MSH4: variants seen among roughly 807,000 people sequenced by gnomAD.
MSH4 encodes the protein mutS protein homolog 4.
In MSH4, 106 loss-of-function variants were observed where a neutral mutation model predicts 113.7. The observed-to-expected ratio is 0.93, with a 90% CI of 0.80 to 1.10. The LOEUF is 1.10. MSH4 is among the 50% of genes least tolerant of loss of function. MSH4 has a pLI of 0.00. For missense variants in MSH4, 1,061 were observed against 1,093.7 expected, an observed-to-expected ratio of 0.97 and a Z score of 0.42; for synonymous variants, 368 against 380.2, an observed-to-expected ratio of 0.97 and a Z score of 0.37.
chr1:75,816,907 G>A lies in MSH4; in HGVS notation c.989+361G>A, dbSNP rs536122538. 3.3e-5 allele frequency among the ~76,000 whole-genome samples: 5 copies of A among 152,150 alleles called. No individual in the cohort carries two copies. In the East Asian group the frequency reaches 5.8e-4, roughly 18 times the overall value. On this transcript the variant is annotated intron_variant, in intron 6 of 19. Coordinates refer to ENST00000263187, the MANE Select transcript of MSH4 (RefSeq NM_002440.4). The stretch of plus-strand genomic sequence containing the variant: ...CTCCCAAAGTGCTGGGATTACAGCC[G>A]TGAGCTACTGCTCTCAGCCTAAACT...
chr1:75,858,565 G>A (rs1399622217), intron 8 of MSH4, among the ~76,000 whole-genome samples: 1 of 152,148 alleles, frequency 6.6e-6, no homozygotes, highest in African/African-American at 2.4e-5. Flanking sequence ...GATGGATTAT[G>A]TTTATTGATT....
chr1:75,875,309 G>A (rs1189308322), intron 9 of MSH4, among the ~76,000 whole-genome samples: 5 of 152,158 alleles, frequency 3.3e-5, no homozygotes, highest in Non-Finnish European at 5.9e-5. Flanking sequence ...CGATGAAGAT[G>A]ATGTTGTAAC....
At chr1:75,911,356 T>C (rs1055513634) in intron 19 of MSH4, among the ~76,000 whole-genome samples, 2 of 152,184 alleles carry the variant, frequency 1.3e-5, no homozygotes, top group Non-Finnish European at 2.9e-5. Flanking sequence ...TACCATGCTT[T>C]CAAATGTACC....
intron 19 of MSH4, 76 bp downstream of exon 19, chr1:75,899,782 A>T (rs1652469509): frequency 4.2e-6 from 2 of 479,034 alleles, no homozygotes; most frequent in Middle Eastern, 1.3e-3. Flanking sequence ...ATGACCTTTG[A>T]TCTAAATATA....
In MSH4 at chr1:75,842,036, G is replaced by A. The variant is rs750504047; in HGVS notation, c.1163-6173G>A. On this transcript the variant is annotated intron_variant, in intron 7 of 19. Coordinates refer to ENST00000263187, the MANE Select transcript of MSH4 (RefSeq NM_002440.4). Reference sequence around the variant, plus strand: ...ATGTGCCCAAGATAGTCGGAGTACAGCTTGGTTTTGTATATTTTAGGGAGG... The same window carrying A: ...ATGTGCCCAAGATAGTCGGAGTACAACTTGGTTTTGTATATTTTAGGGAGG... Among the ~76,000 whole-genome samples the A allele has an allele frequency of 3.3e-5, 5 of 152,242 alleles. 1 individual carries two copies. In the South Asian group the frequency reaches 1.0e-3, roughly 32 times the overall value.
chr1:75,902,709 A>AGTTCT (rs1652534598), intron 19 of MSH4, among the ~76,000 whole-genome samples: 1 of 35,344 alleles, frequency 2.8e-5, no homozygotes, highest in Non-Finnish European at 5.5e-5. Context: ...ATATATATAT[A>AGTTCT]TATATATATA....
chr1:75,885,055 G>GTATATATATATATATATATATATA (rs1469516814), intron 15 of MSH4, among the ~76,000 whole-genome samples: 4 of 102,252 alleles, frequency 3.9e-5, no homozygotes, highest in African/African-American at 1.6e-4. Context: ...GTGTGTGTGT[G>GTATATATATATATATATATATATA]TGTGTATATA....
chr1:75,870,952 G>C (rs1429777518), intron 9 of MSH4, among the ~76,000 whole-genome samples: 2 of 152,064 alleles, frequency 1.3e-5, no homozygotes, highest in African/African-American at 4.8e-5. Context: ...AAAAGGCAAA[G>C]GTAGGAAAAA....
intron 8 of MSH4, among the ~76,000 whole-genome samples, 146 bp from the exon 9 acceptor site, chr1:75,867,361 TAATTTTG>T (rs1335249872): frequency 0.021 from 3,265 of 152,238 alleles, 124 homozygotes; most frequent in African/African-American, 0.075. Context: ...GGTGGGTCAA[TAATTTTG>T]TATCATTCTT....
intron 8 of MSH4, among the ~76,000 whole-genome samples, chr1:75,849,462 A>C (rs1181347962): frequency 6.6e-6 from 1 of 152,222 alleles, no homozygotes; most frequent in East Asian, 1.9e-4. Flanking sequence ...TTACAATTTG[A>C]TGACATTTGT....
Position 75,822,569 on chromosome 1 carries a change from G to T in MSH4, c.1150G>T (p.Gly384Ter). The change falls in exon 7 of 20, where the codon GGA becomes TGA. Residue 384 changes from glycine (G) to a stop codon, truncating the protein, a stop_gained. Coordinates refer to ENST00000263187, the MANE Select transcript of MSH4 (RefSeq NM_002440.4). LOFTEE classifies it high-confidence loss of function. ...ELLQDEELFF[G>*]LQSVISRFLD... ...ACTTCAAGATGAGGAACTATTTTTT[G>T]GACTTCAATCAGGTAAATCAATATT... The T allele has an allele frequency of 6.6e-7, 1 of 1,505,438 alleles. No individual in the cohort carries two copies. Among genetic ancestry groups the T allele is most frequent in the Non-Finnish European group, 8.9e-7 (1 of 1,128,888 alleles). 93.3% of individuals were successfully genotyped at this position (1,505,438 alleles called of 1,614,324 possible).
At chr1:75,899,505 G>A in intron 18 of MSH4, 113 bp from the exon 19 acceptor site, 3 of 527,668 alleles carry the variant, frequency 5.7e-6, no homozygotes, top group East Asian at 3.3e-5. Context: ...GTTCAGAAGT[G>A]CCTCTAGAAG....
At chr1:75,859,609 C>T (rs1651406754) in intron 8 of MSH4, among the ~76,000 whole-genome samples, 1 of 152,170 alleles carries the variant, frequency 6.6e-6, no homozygotes, top group African/African-American at 2.4e-5. Context: ...TAATTTATTG[C>T]ACTGTGGTCT....
intron 12 of MSH4, 107 bp from the exon 13 acceptor site, chr1:75,879,943 A>C: frequency 3.2e-6 from 2 of 633,584 alleles, no homozygotes; most frequent in South Asian, 3.9e-5. Flanking sequence ...ACCATATCTC[A>C]AAGAGTAAAA....
intron 7 of MSH4, among the ~76,000 whole-genome samples, chr1:75,835,557 A>G (rs1045956133): frequency 6.6e-6 from 1 of 152,174 alleles, no homozygotes; most frequent in Non-Finnish European, 1.5e-5. Flanking sequence ...CCTTTGTTTA[A>G]GCCAGAAGTG....
intron 8 of MSH4, among the ~76,000 whole-genome samples, chr1:75,851,396 A>G (rs1651184100): frequency 6.6e-6 from 1 of 151,712 alleles, no homozygotes; most frequent in South Asian, 2.1e-4. Context: ...AGCTGAATTC[A>G]GTCCATTTTT....
rs776998737 is a variant in MSH4, at chr1:75,797,172, C to T, written c.187C>T (p.Arg63Trp). 32 of 1,610,644 alleles carry T rather than the reference C, an allele frequency of 2.0e-5. No individual in the cohort carries two copies. Among genetic ancestry groups the T allele is most frequent in the East Asian group, 6.7e-5 (3 of 44,764 alleles). Residue 63 changes from arginine to tryptophan, a missense_variant, in exon 1 of 20, where the codon CGG (arginine) becomes TGG (tryptophan). Arg to Trp is a moderately radical substitution (Grantham distance 101). Coordinates refer to ENST00000263187, the MANE Select transcript of MSH4 (RefSeq NM_002440.4). ...TGGCACGTCAGGAGCTGCGGGCGAC[C>T]GGAGCAGCAGCAGCAGCAGCCTTCC... ...CPGTSGAAGD[R>W]SSSSSSLPCP...
At chr1:75,822,370 T>C in intron 6 of MSH4, 39 bp from the exon 7 acceptor site, 1 of 1,358,364 alleles carries the variant, frequency 7.4e-7, no homozygotes, top group Non-Finnish European at 1.0e-6. Flanking sequence ...TCTTGCGTTT[T>C]TCTTTGTATT....
chr1:75,889,629 AT>A lies in MSH4; in HGVS notation c.2226+261del, dbSNP rs533315318. Among the ~76,000 whole-genome samples the A allele has an allele frequency of 2.4e-4, 37 of 152,292 alleles. 1 individual carries two copies. The South Asian group carries it at 7.0e-3, about 29-fold the overall frequency. On this transcript the variant is annotated intron_variant, in intron 16 of 19. Transcript: ENST00000263187. ...GTGTGCCTAAATGTTTTTATAGGAA[AT>A]ACGTAAAAGACTTCAGAAAATGATA... is the stretch of plus-strand genomic sequence containing the variant.
Sources: allele counts gnomAD v4.1 joint callset (sites outside exome capture counted in the v4.1 genomes callset), GRCh38; gene constraint gnomAD v4.1.1; transcripts MANE v1.5; gene names NCBI Gene and HGNC (gene_info 2026-07-23, HGNC 2026-07-21).